Variants in AXDND1 observed in about 807,000 individuals in gnomAD.
AXDND1 encodes axonemal dynein light chain domain containing 1, also known as axonemal dynein light chain domain-containing protein 1.
Under a neutral mutation model 137.5 loss-of-function variants are expected in AXDND1, and 110 were observed. The observed-to-expected ratio is 0.80, with a 90% CI of 0.69 to 0.94. The LOEUF (loss-of-function observed/expected upper bound fraction) is 0.94, where lower values mean the gene tolerates loss of function less well. AXDND1 is among the 40% of genes least tolerant of loss of function. The pLI is 0.00. For synonymous variants in AXDND1, 414 were observed against 399.7 expected (o/e 1.04, Z -0.43); for missense variants, 1,191 against 1,169.8 (o/e 1.02, Z -0.26).
chr1:179,527,152 T>C (rs1203423399), intron 22 of AXDND1, among the ~76,000 whole-genome samples: 1 of 152,206 alleles, frequency 6.6e-6, no homozygotes, highest in Non-Finnish European at 1.5e-5. Context: ...CTTGATGATA[T>C]GCTGAACAAG....
At chr1:179,383,800 A>G (rs1445739598) in intron 8 of AXDND1, among the ~76,000 whole-genome samples, 1 of 152,240 alleles carries the variant, frequency 6.6e-6, no homozygotes, top group Non-Finnish European at 1.5e-5. Flanking sequence ...TAGACACTGT[A>G]TAATTAATTG....
intron 16 of AXDND1, chr1:179,449,688 A>G (rs1053339406): frequency 6.6e-6 from 1 of 152,026 alleles, no homozygotes; most frequent in Non-Finnish European, 1.5e-5. Flanking sequence ...AATTTCTCTT[A>G]ACAATGTTTT....
chr1:179,553,902 C>A (rs1242704773), intron 25 of AXDND1, among the ~76,000 whole-genome samples: 1 of 147,050 alleles, frequency 6.8e-6, no homozygotes, highest in Non-Finnish European at 1.5e-5. Flanking sequence ...TTTGCCAACA[C>A]CCCTGGCTAA....
intron 9 of AXDND1, among the ~76,000 whole-genome samples, chr1:179,388,650 C>T (rs748092717): frequency 3.3e-5 from 5 of 151,896 alleles, no homozygotes; most frequent in Non-Finnish European, 7.4e-5. Flanking sequence ...TGCAGTGGCA[C>T]GATCTTGGCT....
intron 20 of AXDND1, among the ~76,000 whole-genome samples, chr1:179,496,136 G>C (rs1355077962): frequency 6.6e-6 from 1 of 151,784 alleles, no homozygotes; most frequent in Non-Finnish European, 1.5e-5. Context: ...TAGAATTTTT[G>C]CACTGATGTT....
At chr1:179,518,938 G>A (rs1258047730) in intron 21 of AXDND1, among the ~76,000 whole-genome samples, 2 of 152,104 alleles carry the variant, frequency 1.3e-5, no homozygotes, top group Admixed American at 1.3e-4. Context: ...TGATATTTCT[G>A]TCTTTAGATC....
chr1:179,500,068 A>C lies in AXDND1; in HGVS notation c.2388+7117A>C, dbSNP rs1404244441. The stretch of plus-strand genomic sequence containing the variant: ...GAAGAGGGAATACTTTTTATACAAA[A>C]ACGCAAAAGGGATTGTTCAAGAAAG... On this transcript the variant is annotated intron_variant, in intron 20 of 25. Transcript: ENST00000367618. Among the ~76,000 whole-genome samples the C allele has an allele frequency of 4.6e-5, 7 of 152,112 alleles. No homozygotes were observed. In the East Asian group the frequency reaches 1.3e-3, roughly 29 times the overall value.
intron 2 of AXDND1, 29 bp from the exon 3 acceptor site, chr1:179,368,771 A>T (rs1174649230): frequency 6.4e-7 from 1 of 1,561,510 alleles, no homozygotes; most frequent in African/African-American, 1.4e-5. Flanking sequence ...ATATATAGTA[A>T]GAGTTTTTCT....
intron 12 of AXDND1, among the ~76,000 whole-genome samples, chr1:179,429,145 C>G (rs1657015291): frequency 6.6e-6 from 1 of 151,528 alleles, no homozygotes; most frequent in Non-Finnish European, 1.5e-5. Context: ...CCACTGCACT[C>G]CAACCTGGGT....
rs1175007981 is a variant in AXDND1 at position 179,448,372 on chromosome 1, C to G, written c.1798+3168C>G. 7 of 672,472 alleles carry G rather than the reference C, an allele frequency of 1.0e-5. 1 individual carries two copies. The highest frequency in any genetic ancestry group is 1.9e-5 in the Non-Finnish European group (7 of 364,962). The allele number at this position is 672,472 out of a possible 1,614,324, so 41.7% of individuals were successfully genotyped here. A position where few individuals can be genotyped will look rare whatever the true frequency, so the allele number is the denominator to read the frequency against. On this transcript the variant is annotated intron_variant, in intron 16 of 25. Coordinates refer to ENST00000367618, the MANE Select transcript of AXDND1 (RefSeq NM_144696.6). ...CTTTCTTCATTAATCCAAACTCTCT[C>G]TTTGTAAAAGTGGCCTCTCAGTTCC...
At chr1:179,486,261 A>G (rs1666066913) in intron 18 of AXDND1, among the ~76,000 whole-genome samples, 1 of 138,200 alleles carries the variant, frequency 7.2e-6, no homozygotes, top group Admixed American at 7.9e-5. Context: ...CTCTGAAATA[A>G]TTCAGTCAGA....
intron 20 of AXDND1, among the ~76,000 whole-genome samples, chr1:179,497,919 G>A (rs1667613990): frequency 6.6e-6 from 1 of 152,016 alleles, no homozygotes; most frequent in Non-Finnish European, 1.5e-5. Flanking sequence ...ATAGCCACAA[G>A]AAAATCAAAT....
At chr1:179,491,860 T>TAAA in intron 19 of AXDND1, 123 bp downstream of exon 19, 1 of 886,780 alleles carries the variant, frequency 1.1e-6, no homozygotes, top group Non-Finnish European at 1.6e-6. Context: ...CTAGTTCAGT[T>TAAA]TTTCAACTAG....
chr1:179,463,452 G>A (rs538746776), intron 16 of AXDND1, among the ~76,000 whole-genome samples: 15 of 152,300 alleles, frequency 9.8e-5, no homozygotes, highest in African/African-American at 3.6e-4. Flanking sequence ...TTAATCCTGA[G>A]TTCTAGTTTG....
At chr1:179,372,707 G>T (rs1032747466) in intron 4 of AXDND1, among the ~76,000 whole-genome samples, 1 of 152,022 alleles carries the variant, frequency 6.6e-6, no homozygotes, top group Non-Finnish European at 1.5e-5. Flanking sequence ...TTGAGAGATG[G>T]AGTTTTGCTC....
chr1:179,409,875 T>C (rs938913650), intron 11 of AXDND1, among the ~76,000 whole-genome samples: 3 of 150,878 alleles, frequency 2.0e-5, no homozygotes, highest in Admixed American at 2.0e-4. Context: ...TCTCCAGTGT[T>C]TTTTTTTTAA....
chr1:179,536,770 G>A (rs1240313820), intron 25 of AXDND1, among the ~76,000 whole-genome samples: 1 of 152,132 alleles, frequency 6.6e-6, no homozygotes, highest in Admixed American at 6.5e-5. Context: ...CAACTTGGTG[G>A]GGATAGCATT....
chr1:179,511,649 T>C (rs2125646588), intron 21 of AXDND1, among the ~76,000 whole-genome samples: 1 of 152,280 alleles, frequency 6.6e-6, no homozygotes, highest in South Asian at 2.1e-4. Context: ...CTGTTTTCCA[T>C]AGTGGCTCTA....
chr1:179,384,790 A>T (rs1419544479), intron 8 of AXDND1, among the ~76,000 whole-genome samples: 1 of 151,102 alleles, frequency 6.6e-6, no homozygotes, highest in African/African-American at 2.4e-5. Flanking sequence ...TTTTGAGACA[A>T]AGTCTCACTC....
Sources: gnomAD v4.1 joint callset for allele counts (sites outside exome capture counted in the v4.1 genomes callset) on GRCh38, gnomAD v4.1.1 for gene constraint, MANE v1.5 for transcripts, NCBI Gene and HGNC (gene_info 2026-07-23, HGNC 2026-07-21) for gene names.